The following CARF variants were observed in gnomAD, a reference collection of about 807,000 sequenced individuals.
CARF encodes calcium responsive transcription factor.
CARF carries 57 observed loss-of-function variants against 82.0 expected under a neutral mutation model. That is an observed-to-expected ratio of 0.70 (90% CI 0.56 to 0.87). The LOEUF is 0.87. Ranked by LOEUF, CARF falls within the 40% of genes least tolerant of loss-of-function variation. CARF has a pLI of 0.00. For synonymous variants in CARF, 268 were observed against 290.1 expected, an observed-to-expected ratio of 0.92 and a Z score of 0.77; for missense variants, 771 against 855.8, an observed-to-expected ratio of 0.90 and a Z score of 1.24.
chr2:202,929,226 CT>C (rs1692427957), intron 3 of CARF, among the ~76,000 whole-genome samples: 1 of 152,074 alleles, frequency 6.6e-6, no homozygotes, highest in Non-Finnish European at 1.5e-5. Context: ...TCTATTTTTG[CT>C]TTTGAGGTCT....
chr2:202,954,176 A>G (rs776611176), intron 7 of CARF, 42 bp downstream of exon 7: 30 of 1,586,816 alleles, frequency 1.9e-5, no homozygotes, highest in East Asian at 2.3e-5. Context: ...TAATATCACC[A>G]TGGAAATCTT....
intron 8 of CARF, among the ~76,000 whole-genome samples, chr2:202,960,832 C>T (rs1158074050): frequency 6.6e-6 from 1 of 151,350 alleles, no homozygotes; most frequent in Non-Finnish European, 1.5e-5. Flanking sequence ...TCCAACCTCA[C>T]TCCACCAAAA....
chr2:202,955,597 TA>T, intron 7 of CARF, 76 bp from the exon 8 acceptor site: 1 of 995,780 alleles, frequency 1.0e-6, no homozygotes, highest in Non-Finnish European at 1.5e-6. Context: ...TCTTTGATAC[TA>T]AGAGGATAAA....
rs1166093986 is a variant in CARF, at chr2:202,985,184, A to C, written c.*1560A>C. ...TATATTTTAAAAATAAAGATTTTAA[A>C]TGGATATCAATGTTTAATATTCAAA... On this transcript the variant is annotated 3_prime_UTR_variant, in exon 17 of 17. Transcript: ENST00000438828. 3 of 152,122 alleles carry C rather than the reference A, an allele frequency of 2.0e-5. No homozygotes were observed. Among genetic ancestry groups the C allele is most frequent in the Non-Finnish European group, 2.9e-5 (2 of 68,024 alleles). The allele number at this position is 152,122 out of a possible 1,614,324, so 9.4% of individuals were successfully genotyped here.
At chr2:202,962,111 T>A (rs1002087749) in intron 9 of CARF, 1 of 152,360 alleles carries the variant, frequency 6.6e-6, no homozygotes, top group African/African-American at 2.4e-5. Context: ...TAAGATGAGA[T>A]AAATGTAACC....
At chr2:202,956,847 G>A (rs927340449) in intron 8 of CARF, among the ~76,000 whole-genome samples, 1 of 152,010 alleles carries the variant, frequency 6.6e-6, no homozygotes, top group Non-Finnish European at 1.5e-5. Context: ...GGAGTGCAGT[G>A]GCGCTGTCTC....
Position 202,966,975 on chromosome 2 carries a change from C to T in CARF, c.833-3C>T, listed in dbSNP as rs1203199734. On this transcript the variant is annotated splice_region_variant and splice_polypyrimidine_tract_variant and intron_variant, in intron 9 of 16. Coordinates refer to ENST00000438828, the MANE Select transcript of CARF (RefSeq NM_024744.17). ...AATATCAATAGTTGGTTTTGGCCCA[C>T]AGGGAGTAGAGCTGTGGTAATGGAG... 1 of 1,612,360 alleles carries T rather than the reference C, an allele frequency of 6.2e-7. No individual in the cohort carries two copies. Among genetic ancestry groups the T allele is most frequent in the Admixed American group, 1.7e-5 (1 of 59,632 alleles).
intron 3 of CARF, among the ~76,000 whole-genome samples, chr2:202,932,228 G>A (rs1286221542): frequency 6.6e-6 from 1 of 152,132 alleles, no homozygotes; most frequent in African/African-American, 2.4e-5. Context: ...CTCCAACATT[G>A]GGGGTTATAA....
chr2:202,985,522 G>C lies in CARF; in HGVS notation c.*1898G>C, dbSNP rs1338885901. The C allele has an allele frequency of 1.3e-5, 2 of 151,972 alleles. No homozygotes were observed. The highest frequency in any genetic ancestry group is 4.8e-5 in the African/African-American group (2 of 41,404). The allele number at this position is 151,972 out of a possible 1,614,324, so 9.4% of individuals were successfully genotyped here. On this transcript the variant is annotated 3_prime_UTR_variant, in exon 17 of 17. Coordinates refer to ENST00000438828, the MANE Select transcript of CARF (RefSeq NM_024744.17). The stretch of plus-strand genomic sequence containing the variant: ...CTATGAATTTAAAACATTTGATGTT[G>C]GCATTTTATACAGGCAGGTTGCCAA...
At chr2:202,931,440 C>T (rs1692922111) in intron 3 of CARF, among the ~76,000 whole-genome samples, 1 of 152,212 alleles carries the variant, frequency 6.6e-6, no homozygotes, top group African/African-American at 2.4e-5. Flanking sequence ...AAGTTATACA[C>T]ACATTTTTGA....
At chr2:202,949,668 A>T (rs773176146) in intron 5 of CARF, among the ~76,000 whole-genome samples, 4 of 151,206 alleles carry the variant, frequency 2.6e-5, no homozygotes, top group Admixed American at 6.6e-5. Context: ...TTCCTGCCTC[A>T]GCCTCCCGAG....
intron 13 of CARF, among the ~76,000 whole-genome samples, chr2:202,975,737 T>G (rs543914856): frequency 6.6e-6 from 1 of 152,300 alleles, no homozygotes; most frequent in East Asian, 1.9e-4. Context: ...TTTTAATAAA[T>G]GGGCAAATTT....
intron 10 of CARF, among the ~76,000 whole-genome samples, chr2:202,967,466 T>C (rs1490742269): frequency 6.6e-6 from 1 of 152,232 alleles, no homozygotes; most frequent in Non-Finnish European, 1.5e-5. Flanking sequence ...TGAATGCCTA[T>C]TGTGGTTATC....
Position 202,985,924 on chromosome 2 carries a change from G to C in CARF, c.*2300G>C, listed in dbSNP as rs2060415075. 1 of 151,970 alleles carries C rather than the reference G, an allele frequency of 6.6e-6. No homozygotes were observed. The highest frequency in any genetic ancestry group is 1.5e-5 in the Non-Finnish European group (1 of 67,960). 9.4% of individuals were successfully genotyped at this position (151,970 alleles called of 1,614,324 possible). A position where few individuals can be genotyped will look rare whatever the true frequency, so the allele number is the denominator to read the frequency against. On this transcript the variant is annotated 3_prime_UTR_variant, in exon 17 of 17. Transcript: ENST00000438828. ...AGATGTGTCAGAGGACTCAGACTTT[G>C]GTATAGTTAGAAAAATAATATTTTT... is the stretch of plus-strand genomic sequence containing the variant.
intron 5 of CARF, among the ~76,000 whole-genome samples, chr2:202,945,137 G>A (rs2058433670): frequency 6.6e-6 from 1 of 152,118 alleles, no homozygotes; most frequent in African/African-American, 2.4e-5. Context: ...TTTTGGTTTT[G>A]TTTGTTTCAG....
At position 202,917,240 on chromosome 2, in the gene CARF, C is replaced by T. The variant is rs1364326248; in HGVS notation, c.-329-637C>T. On this transcript the variant is annotated intron_variant, in intron 1 of 16. Transcript: ENST00000438828. Reference sequence around the variant, plus strand: ...AAAAAAAAAAAAAAAAAAAAAAGCGCTGAGCTGCTAATTTTACAGATGCTT... The same window carrying T: ...AAAAAAAAAAAAAAAAAAAAAAGCGTTGAGCTGCTAATTTTACAGATGCTT... Among the ~76,000 whole-genome samples, 4 of 126,482 alleles carry T rather than the reference C, an allele frequency of 3.2e-5. No individual in the cohort carries two copies. The East Asian group carries it at 8.5e-4, about 27-fold the overall frequency. The allele number at this position is 126,482 out of a possible 152,430, so 83.0% of individuals were successfully genotyped here. A position where few individuals can be genotyped will look rare whatever the true frequency, so the allele number is the denominator to read the frequency against.
intron 3 of CARF, among the ~76,000 whole-genome samples, chr2:202,933,640 G>T (rs981680911): frequency 6.0e-5 from 9 of 150,124 alleles, no homozygotes; most frequent in Admixed American, 2.0e-4. Flanking sequence ...GAGTTTCTGT[G>T]CTCGTCAATG....
At chr2:202,920,616 A>T (rs1293158156) in intron 2 of CARF, among the ~76,000 whole-genome samples, 1 of 152,070 alleles carries the variant, frequency 6.6e-6, no homozygotes, top group African/African-American at 2.4e-5. Context: ...GTGAGCCAAG[A>T]TCGCGCCATT....
At chr2:202,971,405 G>C (rs1258636917) in intron 11 of CARF, 100 bp from the exon 12 acceptor site, 2 of 579,562 alleles carry the variant, frequency 3.5e-6, no homozygotes, top group Admixed American at 6.3e-5. Flanking sequence ...TTTCCTTTAT[G>C]AGTATTAACC....
Sources: gnomAD v4.1 joint callset for allele counts (sites outside exome capture counted in the v4.1 genomes callset) on GRCh38, gnomAD v4.1.1 for gene constraint, MANE v1.5 for transcripts, NCBI Gene and HGNC (gene_info 2026-07-23, HGNC 2026-07-21) for gene names.